C5orf63: variants seen among roughly 807,000 people sequenced by gnomAD.
The protein encoded by C5orf63 is chromosome 5 open reading frame 63.
C5orf63 carries 18 observed loss-of-function variants against 13.3 expected under a neutral mutation model. That is an observed-to-expected ratio of 1.36 (90% CI 0.94 to 2.01). C5orf63 has a LOEUF of 2.01. Among genes scored for constraint, C5orf63 ranks in the 30% most tolerant of loss-of-function variants. The pLI is 0.00. For synonymous variants in C5orf63, 38 were observed against 44.7 expected (o/e 0.85, Z 0.60); for missense variants, 118 against 127.7 (o/e 0.92, Z 0.36).
chr5:127,064,447 A>G (rs1241042363), intron 2 of C5orf63, among the ~76,000 whole-genome samples: 2 of 152,158 alleles, frequency 1.3e-5, no homozygotes, highest in African/African-American at 4.8e-5. Context: ...TCCTGAGCTA[A>G]CCACCCACCT....
chr5:127,063,678 T>C (rs1754198068), intron 2 of C5orf63, among the ~76,000 whole-genome samples: 1 of 152,184 alleles, frequency 6.6e-6, no homozygotes, highest in South Asian at 2.1e-4. Flanking sequence ...ATGTTGGAGC[T>C]TGTTCACAAG....
At chr5:127,060,488 T>C (rs1233139796) in intron 2 of C5orf63, among the ~76,000 whole-genome samples, 1 of 152,244 alleles carries the variant, frequency 6.6e-6, no homozygotes, top group Admixed American at 6.5e-5. Context: ...TCCTGAAAAC[T>C]GTAAATATTA....
chr5:127,044,721 C>T (rs1390336791), downstream of C5orf63: 1 of 150,204 alleles, frequency 6.7e-6, no homozygotes, highest in East Asian at 2.0e-4. Flanking sequence ...CTCCTCCCCA[C>T]AATTCAGCCA....
chr5:127,058,035 TA>T (rs1753954304), intron 3 of C5orf63, among the ~76,000 whole-genome samples: 1 of 152,224 alleles, frequency 6.6e-6, no homozygotes, highest in Non-Finnish European at 1.5e-5. Flanking sequence ...AAGGTATCTT[TA>T]TTAAAAAAAT....
In C5orf63 at chr5:127,058,905, G is replaced by A. The variant is rs1329314230; in HGVS notation, c.91C>T (p.Pro31Ser). 7.2e-6 allele frequency: 11 copies of A among 1,535,738 alleles called. No homozygotes were observed. The highest frequency in any genetic ancestry group is 5.9e-5 in the Admixed American group (3 of 50,954). The change falls in exon 3 of 5, where the codon CCT (proline) becomes TCT (serine). Residue 31 changes from proline to serine, a missense_variant. Physicochemically the swap from Pro to Ser is moderately conservative, Grantham distance 74. Transcript: ENST00000296662. ...RNCSASKTTL[P>S]VLTLFTKDPC... The stretch of plus-strand genomic sequence containing the variant: ...ACCTTTGTGAATAAGGTCAACACAG[G>A]CAGAGTTGTCTTAGAGGCAGAGCAA...
chr5:127,055,218 G>A (rs1472217854), intron 3 of C5orf63, among the ~76,000 whole-genome samples: 1 of 152,112 alleles, frequency 6.6e-6, no homozygotes, highest in African/African-American at 2.4e-5. Flanking sequence ...TCCCCATCAA[G>A]CTACCAATGA....
chr5:127,056,664 G>A (rs909192704), intron 3 of C5orf63, among the ~76,000 whole-genome samples: 3 of 152,192 alleles, frequency 2.0e-5, no homozygotes, highest in African/African-American at 7.2e-5. Context: ...TGGGGACACA[G>A]AGCCAAACCA....
At chr5:127,055,443 C>T (rs1205220253) in intron 3 of C5orf63, among the ~76,000 whole-genome samples, 3 of 152,060 alleles carry the variant, frequency 2.0e-5, no homozygotes, top group East Asian at 1.9e-4. Flanking sequence ...AAAACAGACC[C>T]CAAATTACTT....
At chr5:127,069,017 T>C (rs1754432844) in intron 2 of C5orf63, among the ~76,000 whole-genome samples, 1 of 152,174 alleles carries the variant, frequency 6.6e-6, no homozygotes, top group South Asian at 2.1e-4. Flanking sequence ...CAGAGCAGCA[T>C]ATTCCAAATT....
chr5:127,060,450 T>C (rs1470385059), intron 2 of C5orf63, among the ~76,000 whole-genome samples: 3 of 152,264 alleles, frequency 2.0e-5, no homozygotes, highest in Non-Finnish European at 4.4e-5. Context: ...TGTTTAATCC[T>C]AGTTATTCTA....
chr5:127,054,049 G>A (rs747811544), intron 3 of C5orf63, among the ~76,000 whole-genome samples: 1 of 152,094 alleles, frequency 6.6e-6, no homozygotes, highest in Non-Finnish European at 1.5e-5. Context: ...GTTTCAAAAA[G>A]TCAACACAGG....
chr5:127,056,667 C>T (rs967540645), intron 3 of C5orf63, among the ~76,000 whole-genome samples: 1 of 152,130 alleles, frequency 6.6e-6, no homozygotes, highest in Non-Finnish European at 1.5e-5. Flanking sequence ...GGACACAGAG[C>T]CAAACCATAT....
downstream of C5orf63, chr5:127,047,505 A>C (rs59022768): frequency 6.1e-3 from 3,397 of 553,286 alleles, 49 homozygotes; most frequent in African/African-American, 0.029. Context: ...TCCTAGTCAC[A>C]TGACCATATT....
At chr5:127,048,695 T>C (rs1035280856), downstream of C5orf63, among the ~76,000 whole-genome samples, 1 of 152,178 alleles carries the variant, frequency 6.6e-6, no homozygotes, top group Non-Finnish European at 1.5e-5. Context: ...GAAATTCTAG[T>C]GTCAGAAATT....
chr5:127,066,891 C>T (rs192263121), intron 2 of C5orf63, among the ~76,000 whole-genome samples: 7 of 152,230 alleles, frequency 4.6e-5, no homozygotes, highest in African/African-American at 1.7e-4. Context: ...GGAGGAAAAC[C>T]TGAAAAGTGT....
intron 2 of C5orf63, among the ~76,000 whole-genome samples, chr5:127,060,732 C>T (rs1754072260): frequency 6.6e-6 from 1 of 152,214 alleles, no homozygotes; most frequent in African/African-American, 2.4e-5. Context: ...TTTACTTCTG[C>T]ATGAAAAGCT....
chr5:127,073,346 C>T (rs1009133233), intron 1 of C5orf63, 105 bp downstream of exon 1: 1 of 152,272 alleles, frequency 6.6e-6, no homozygotes, highest in East Asian at 1.9e-4. Context: ...AACGACTATC[C>T]AAATGGGCAG....
At chr5:127,042,886 T>C (rs951415397), downstream of C5orf63, 1 of 152,208 alleles carries the variant, frequency 6.6e-6, no homozygotes, top group African/African-American at 2.4e-5. Context: ...CTCCGCTGTT[T>C]AGTTTTTTTT....
downstream of C5orf63, chr5:127,047,359 C>G (rs970613677): frequency 6.8e-5 from 14 of 205,616 alleles, no homozygotes; most frequent in Admixed American, 1.2e-4. Context: ...ACATGAAAAT[C>G]ACAGTAATAG....
Sources: allele counts gnomAD v4.1 joint callset (sites outside exome capture counted in the v4.1 genomes callset), GRCh38; gene constraint gnomAD v4.1.1; transcripts MANE v1.5; gene names NCBI Gene and HGNC (gene_info 2026-07-23, HGNC 2026-07-21).